Variants in HERC1 observed in about 807,000 individuals in gnomAD.
HERC1 encodes HECT and RLD domain containing E3 ubiquitin protein ligase family member 1.
HERC1 carries 160 observed loss-of-function variants against 554.3 expected under a neutral mutation model. The observed-to-expected ratio is 0.29, with a 90% CI of 0.25 to 0.33. HERC1 has a LOEUF of 0.33. Ranked by LOEUF, HERC1 falls within the 10% of genes least tolerant of loss-of-function variation. HERC1 has a pLI of 1.00. For synonymous variants in HERC1, 2,175 were observed against 2,131.7 expected, an observed-to-expected ratio of 1.02 and a Z score of -0.56; for missense variants, 4,919 against 5,918.5, an observed-to-expected ratio of 0.83 and a Z score of 5.54.
rs1213610119 is a variant in HERC1 at position 63,756,877 on chromosome 15, T to C, written c.1222-129A>G. 6 of 609,520 alleles carry C rather than the reference T, an allele frequency of 9.8e-6. No homozygotes were observed. The East Asian group carries it at 1.1e-4, about 11-fold the overall frequency. 37.8% of individuals were successfully genotyped at this position (609,520 alleles called of 1,614,324 possible). ...ATACGGCATGATTCTCCAGAGAGAT[T>C]AAGGAATATACAGAAATCTAAGAGA... On this transcript the variant is annotated intron_variant, in intron 4 of 77. Coordinates refer to ENST00000443617, the MANE Select transcript of HERC1 (RefSeq NM_003922.4). This position sits in a 1 kb window ranked among gnomAD's most constrained non-coding sequence, Gnocchi z 5.0.
chr15:63,628,255 G>A (rs368614752), intron 70 of HERC1, among the ~76,000 whole-genome samples: 2 of 152,074 alleles, frequency 1.3e-5, no homozygotes, highest in African/African-American at 4.8e-5. Context: ...AGCCAGGAAT[G>A]GTAGTGCATG....
At chr15:63,772,377 T>C (rs997440826) in intron 2 of HERC1, among the ~76,000 whole-genome samples, 1 of 152,020 alleles carries the variant, frequency 6.6e-6, no homozygotes, top group Non-Finnish European at 1.5e-5. Context: ...CATATAACTA[T>C]ATTGTGCAAT....
intron 1 of HERC1, among the ~76,000 whole-genome samples, chr15:63,791,442 A>G (rs907303567): frequency 1.3e-5 from 2 of 152,198 alleles, no homozygotes; most frequent in African/African-American, 2.4e-5. Context: ...TGAATCATCA[A>G]TGCAGCAAGA....
chr15:63,694,631 A>G lies in HERC1; in HGVS notation c.5243-82T>C. The G allele has an allele frequency of 7.0e-7, 1 of 1,432,900 alleles. No individual in the cohort carries two copies. The highest frequency in any genetic ancestry group is 9.7e-7 in the Non-Finnish European group (1 of 1,036,078). 88.8% of individuals were successfully genotyped at this position (1,432,900 alleles called of 1,614,324 possible). A position where few individuals can be genotyped will look rare whatever the true frequency, so the allele number is the denominator to read the frequency against. On this transcript the variant is annotated intron_variant, in intron 28 of 77. Transcript: ENST00000443617. This position sits in a 1 kb window ranked among gnomAD's most constrained non-coding sequence, Gnocchi z 4.3. ...AAATGAATAATTTTCTAAAATATTA[A>G]TAACATGAAACACTAAATTATTTAT... is the stretch of plus-strand genomic sequence containing the variant.
intron 37 of HERC1, among the ~76,000 whole-genome samples, chr15:63,676,764 A>T (rs2071232833): frequency 6.6e-6 from 1 of 152,360 alleles, no homozygotes; most frequent in South Asian, 2.1e-4. Context: ...TCAAAAAAAT[A>T]AATAATAAAA....
chr15:63,717,949 CT>C (rs566298062), intron 21 of HERC1, among the ~76,000 whole-genome samples: 2 of 152,102 alleles, frequency 1.3e-5, no homozygotes, highest in Non-Finnish European at 2.9e-5. Flanking sequence ...GCCTATTTTC[CT>C]AACATTCAGC....
chr15:63,669,203 T>C (rs2070781731), intron 40 of HERC1, among the ~76,000 whole-genome samples: 1 of 152,154 alleles, frequency 6.6e-6, no homozygotes, highest in South Asian at 2.1e-4. Flanking sequence ...AATTAGAAAG[T>C]ACTTTAAATG....
chr15:63,626,482 C>G (rs2068304880), intron 70 of HERC1, among the ~76,000 whole-genome samples: 2 of 152,104 alleles, frequency 1.3e-5, no homozygotes, highest in Non-Finnish European at 2.9e-5. Flanking sequence ...CCAAATTTTT[C>G]CTTTCATATT....
In HERC1 at chr15:63,747,714, TATAAC is replaced by T; in HGVS notation, c.2354+5_2354+9del. The T allele has an allele frequency of 6.6e-7, 1 of 1,507,638 alleles. No homozygotes were observed. Among genetic ancestry groups the T allele is most frequent in the Non-Finnish European group, 9.0e-7 (1 of 1,107,924 alleles). The allele number at this position is 1,507,638 out of a possible 1,614,324, so 93.4% of individuals were successfully genotyped here. A position where few individuals can be genotyped will look rare whatever the true frequency, so the allele number is the denominator to read the frequency against. The stretch of plus-strand genomic sequence containing the variant: ...CACACACAAAGATACAAAACATACA[TATAAC>T]ATACCTTGATGAAGGGAAAGGGAGT... On this transcript the variant is annotated splice_donor_5th_base_variant and intron_variant, in intron 11 of 77. Transcript: ENST00000443617.
Position 63,753,030 on chromosome 15 carries a change from A to G in HERC1, c.1830T>C (p.Ala610=). The G allele has an allele frequency of 6.2e-7, 1 of 1,613,426 alleles. No individual in the cohort carries two copies. The highest frequency in any genetic ancestry group is 1.1e-5 in the South Asian group (1 of 91,018). ...CTTTGCGAATGAACATTCCTTGTAA[A>G]GCTTCAATAACTTTAGGTTTATACA... The part of the protein sequence containing the change: ...NRVYKPKVIE[A]LQGMFIRKVC... Residue 610 remains alanine, a synonymous_variant, in exon 8 of 78, where the codon GCT becomes GCC. Transcript: ENST00000443617.
chr15:63,696,540 G>T (rs1277700193), intron 26 of HERC1, among the ~76,000 whole-genome samples: 2 of 152,102 alleles, frequency 1.3e-5, no homozygotes, highest in African/African-American at 4.8e-5. Context: ...GAATAAAAAA[G>T]GTTAGAGTAC....
chr15:63,748,232 T>A (rs1222412197), intron 10 of HERC1, among the ~76,000 whole-genome samples: 4 of 151,924 alleles, frequency 2.6e-5, no homozygotes, highest in African/African-American at 7.3e-5. Flanking sequence ...TCTCAAAAAA[T>A]ATATATATAC....
chr15:63,764,843 CTAA>C (rs2075723400), intron 2 of HERC1, among the ~76,000 whole-genome samples: 2 of 152,160 alleles, frequency 1.3e-5, no homozygotes, highest in Non-Finnish European at 2.9e-5. Context: ...CAGCAACTTG[CTAA>C]TAAGATCTCA....
At chr15:63,702,030 T>G (rs1194735744) in intron 25 of HERC1, among the ~76,000 whole-genome samples, 1 of 152,152 alleles carries the variant, frequency 6.6e-6, no homozygotes. Context: ...CCTTACAAGT[T>G]TGGTTTTTAA....
chr15:63,816,573 C>T (rs2145546467), intron 1 of HERC1, among the ~76,000 whole-genome samples: 1 of 152,346 alleles, frequency 6.6e-6, no homozygotes, highest in Middle Eastern at 3.4e-3. Flanking sequence ...CTCTAAGTCA[C>T]AAGCTATTTA....
intron 33 of HERC1, among the ~76,000 whole-genome samples, chr15:63,686,833 A>G (rs2071789658): frequency 6.6e-6 from 1 of 152,224 alleles, no homozygotes; most frequent in Admixed American, 6.5e-5. Context: ...CATGCTTGAG[A>G]AGGACAAGGT....
At chr15:63,613,549 G>A (rs1158806916) in intron 76 of HERC1, among the ~76,000 whole-genome samples, 4 of 152,164 alleles carry the variant, frequency 2.6e-5, no homozygotes, top group Non-Finnish European at 5.9e-5. Context: ...AAGGAAGTGA[G>A]TAACTATGTG....
Position 63,677,763 on chromosome 15 carries a change from ATAAT to A in HERC1, c.7070+78_7070+81del, listed in dbSNP as rs1567002416. On this transcript the variant is annotated intron_variant, in intron 37 of 77. Transcript: ENST00000443617. The surrounding 1 kb of genome is among the most constrained non-coding windows in gnomAD (Gnocchi z 4.4). ...TTAACTGGCAGCTCACCTAAAATAC[ATAAT>A]TACTCACTGTCGACAGGCAATGGCC... is the stretch of plus-strand genomic sequence containing the variant. 1.3e-6 allele frequency: 2 copies of A among 1,519,558 alleles called. No individual in the cohort carries two copies. Among genetic ancestry groups the A allele is most frequent in the African/African-American group, 2.8e-5 (2 of 72,154 alleles). The allele number at this position is 1,519,558 out of a possible 1,614,324, so 94.1% of individuals were successfully genotyped here.
At chr15:63,695,383 CTTTT>C (rs35039072) in intron 27 of HERC1, among the ~76,000 whole-genome samples, 11 of 103,302 alleles carry the variant, frequency 1.1e-4, no homozygotes, top group Admixed American at 1.0e-4. Context: ...TCTGTATAAT[CTTTT>C]TTTTTTTTTT....
Sources: allele counts gnomAD v4.1 joint callset (sites outside exome capture counted in the v4.1 genomes callset), GRCh38; gene constraint gnomAD v4.1.1; non-coding constraint Gnocchi (gnomAD v3.1); transcripts MANE v1.5; gene names NCBI Gene and HGNC (gene_info 2026-07-23, HGNC 2026-07-21).